Variants in TTC7B observed in about 807,000 individuals in gnomAD.
The protein encoded by TTC7B is tetratricopeptide repeat protein 7B.
In TTC7B, 28 loss-of-function variants were observed where a neutral mutation model predicts 106.8. The ratio of observed to expected loss-of-function variants is 0.26; its 90% CI spans 0.19 to 0.36. TTC7B has a LOEUF of 0.36. Among genes scored for constraint, TTC7B ranks in the 10% least tolerant of loss-of-function variants. The probability of loss-of-function intolerance (pLI) is 1.00; values close to 1 mark genes in which losing one functional copy is unlikely to be tolerated. For synonymous variants in TTC7B, 405 were observed against 430.6 expected (o/e 0.94, Z 0.74); for missense variants, 862 against 1,076.4 (o/e 0.80, Z 2.79).
At chr14:90,595,559 A>G (rs1050593305) in intron 17 of TTC7B, among the ~76,000 whole-genome samples, 4 of 152,202 alleles carry the variant, frequency 2.6e-5, no homozygotes, top group African/African-American at 9.6e-5. Context: ...TTTGATAACA[A>G]GGACTTGATG....
chr14:90,541,712 GC>G, intron 19 of TTC7B, 123 bp from the exon 20 acceptor site: 1 of 715,388 alleles, frequency 1.4e-6, no homozygotes. Flanking sequence ...ATTGGGCTGG[GC>G]CCATAGTAAG....
At position 90,756,396 on chromosome 14, in the gene TTC7B, T is replaced by G. The variant is rs867222368; in HGVS notation, c.446-11474A>C. On this transcript the variant is annotated intron_variant, in intron 3 of 19. Transcript: ENST00000328459. ...TCTTTTTTTTTTTGTTTTTTTTTTT[T>G]GTTTTTTTGTTTTTTTGAGACAGTT... Among the ~76,000 whole-genome samples the G allele has an allele frequency of 4.0e-3, 588 of 145,612 alleles. 6 individuals carry two copies. The highest frequency in any genetic ancestry group is 0.014 in the African/African-American group (560 of 40,202).
At chr14:90,641,936 T>TGC (rs1555384923) in intron 15 of TTC7B, among the ~76,000 whole-genome samples, 49 of 125,874 alleles carry the variant, frequency 3.9e-4, no homozygotes, top group African/African-American at 1.4e-3. Context: ...TGTGTGTGCG[T>TGC]GTGTGTGTGT....
intron 3 of TTC7B, among the ~76,000 whole-genome samples, chr14:90,780,387 AAAAG>A (rs1220438905): frequency 6.6e-6 from 1 of 151,668 alleles, no homozygotes; most frequent in African/African-American, 2.4e-5. Flanking sequence ...ATCTCAAAAA[AAAAG>A]AAAGAGAGAA....
At chr14:90,587,192 C>G (rs1433113220) in intron 18 of TTC7B, among the ~76,000 whole-genome samples, 1 of 152,324 alleles carries the variant, frequency 6.6e-6, no homozygotes, top group Admixed American at 6.5e-5. Context: ...CCAGGCCGGA[C>G]TCAGGCAATC....
intron 19 of TTC7B, among the ~76,000 whole-genome samples, chr14:90,545,965 G>A (rs1889812437): frequency 1.3e-5 from 2 of 152,222 alleles, no homozygotes; most frequent in Admixed American, 1.3e-4. Context: ...AGCTTCCTGA[G>A]CAATCTGTTC....
intron 4 of TTC7B, among the ~76,000 whole-genome samples, chr14:90,731,999 A>G (rs2139990454): frequency 6.6e-6 from 1 of 152,340 alleles, no homozygotes; most frequent in South Asian, 2.1e-4. Context: ...CAAAAAAGAA[A>G]ATAAAAAAAT....
chr14:90,624,145 TC>T lies in TTC7B; in HGVS notation c.1752-6101del, dbSNP rs1319915698. ...GTGTGTGTGTTTTGTGACTTGTCTT[TC>T]ATCTAAAAGTCTGGTGCACATAAAA... On this transcript the variant is annotated intron_variant, in intron 15 of 19. Transcript: ENST00000328459. The surrounding 1 kb of genome is among the most constrained non-coding windows in gnomAD (Gnocchi z 4.0). 6.6e-6 allele frequency among the ~76,000 whole-genome samples: 1 copy of T among 152,246 alleles called. No individual in the cohort carries two copies. Among genetic ancestry groups the T allele is most frequent in the Non-Finnish European group, 1.5e-5 (1 of 68,040 alleles).
Position 90,566,259 on chromosome 14 carries a change from G to A in TTC7B, c.2310+11847C>T, listed in dbSNP as rs781081963. Among the ~76,000 whole-genome samples the A allele has an allele frequency of 2.6e-5, 4 of 151,836 alleles. No homozygotes were observed. The South Asian group carries it at 6.2e-4, about 24-fold the overall frequency. On this transcript the variant is annotated intron_variant, in intron 19 of 19. Coordinates refer to ENST00000328459, the MANE Select transcript of TTC7B (RefSeq NM_001010854.2). Reference sequence around the variant, plus strand: ...CTTGGGAGGCTGAGGCAGGAGAATCGCTTGAACCTGGGAGGCGGAGGTTGC... The same window carrying A: ...CTTGGGAGGCTGAGGCAGGAGAATCACTTGAACCTGGGAGGCGGAGGTTGC...
In TTC7B at chr14:90,653,042, T is replaced by C. The variant is rs188635508; in HGVS notation, c.1460-144A>G. The C allele has an allele frequency of 5.5e-3, 4,589 of 829,718 alleles. 15 individuals are homozygous for C. The highest frequency in any genetic ancestry group is 6.7e-3 in the Non-Finnish European group (3,364 of 499,746). 51.4% of individuals were successfully genotyped at this position (829,718 alleles called of 1,614,324 possible). A position where few individuals can be genotyped will look rare whatever the true frequency, so the allele number is the denominator to read the frequency against. On this transcript the variant is annotated intron_variant, in intron 12 of 19. Coordinates refer to ENST00000328459, the MANE Select transcript of TTC7B (RefSeq NM_001010854.2). The stretch of plus-strand genomic sequence containing the variant: ...ACGTGCCCAGTCCTGCACCAGGCCC[T>C]GGAGAAGATAGGAAACAGAGCCCAG...
chr14:90,552,140 G>T (rs1484919123), intron 19 of TTC7B, among the ~76,000 whole-genome samples: 1 of 152,222 alleles, frequency 6.6e-6, no homozygotes, highest in East Asian at 1.9e-4. Flanking sequence ...TTCTGGCTGA[G>T]GGGAGGCATC....
chr14:90,794,442 G>A (rs759913693), intron 1 of TTC7B, among the ~76,000 whole-genome samples: 5 of 151,396 alleles, frequency 3.3e-5, no homozygotes, highest in African/African-American at 4.9e-5. Flanking sequence ...TGGCCAGGAT[G>A]GTCTCAATCT....
chr14:90,714,457 A>ATTT (rs36072608), intron 5 of TTC7B, among the ~76,000 whole-genome samples: 63 of 129,302 alleles, frequency 4.9e-4, no homozygotes, highest in African/African-American at 1.7e-3. Context: ...AGCTGTATAA[A>ATTT]TTTTTTTTTT....
intron 16 of TTC7B, among the ~76,000 whole-genome samples, chr14:90,614,050 C>T (rs763025070): frequency 1.2e-4 from 19 of 152,196 alleles, no homozygotes; most frequent in Non-Finnish European, 2.5e-4. Flanking sequence ...AGCCTCTTCC[C>T]AGCTCCTGGA....
intron 19 of TTC7B, among the ~76,000 whole-genome samples, chr14:90,568,223 G>A (rs1026654468): frequency 1.1e-4 from 16 of 152,176 alleles, no homozygotes; most frequent in Non-Finnish European, 2.1e-4. Context: ...TGGGAAGTAA[G>A]GAGCGGGAAT....
chr14:90,735,277 A>T lies in TTC7B; in HGVS notation c.577-5081T>A, dbSNP rs1889474827. On this transcript the variant is annotated intron_variant, in intron 4 of 19. Transcript: ENST00000328459. Reference sequence around the variant, plus strand: ...TCCCAACACTTTGAGAGGCCAAGAAAGGTGGAATGCTTGAGACCAGGAGTT... The same window carrying T: ...TCCCAACACTTTGAGAGGCCAAGAATGGTGGAATGCTTGAGACCAGGAGTT... Among the ~76,000 whole-genome samples, 4 of 151,786 alleles carry T rather than the reference A, an allele frequency of 2.6e-5. No homozygotes were observed. The South Asian group carries it at 8.3e-4, about 32-fold the overall frequency.
chr14:90,576,249 G>A (rs1891260195), intron 19 of TTC7B, among the ~76,000 whole-genome samples: 1 of 152,072 alleles, frequency 6.6e-6, no homozygotes, highest in Non-Finnish European at 1.5e-5. Flanking sequence ...GGCGGGGATT[G>A]TACGTCTTCT....
intron 19 of TTC7B, among the ~76,000 whole-genome samples, chr14:90,558,114 C>T (rs776299451): frequency 4.6e-5 from 7 of 152,262 alleles, no homozygotes; most frequent in Non-Finnish European, 8.8e-5. Flanking sequence ...GCTGCAGCCA[C>T]GCCTGCCGTC....
At chr14:90,776,291 G>T (rs1337528690) in intron 3 of TTC7B, among the ~76,000 whole-genome samples, 1 of 152,064 alleles carries the variant, frequency 6.6e-6, no homozygotes, top group Non-Finnish European at 1.5e-5. Context: ...GCAGATAGAA[G>T]AAACTCGAAA....
Sources: gnomAD v4.1 joint callset for allele counts (sites outside exome capture counted in the v4.1 genomes callset) on GRCh38, gnomAD v4.1.1 for gene constraint, Gnocchi (gnomAD v3.1) non-coding constraint, MANE v1.5 for transcripts, NCBI Gene and HGNC (gene_info 2026-07-23, HGNC 2026-07-21) for gene names.